The following TNS3 variants were observed in gnomAD, a reference collection of about 807,000 sequenced individuals.
The protein encoded by TNS3 is tensin 3.
In TNS3, 45 loss-of-function variants were observed where a neutral mutation model predicts 140.9. The ratio of observed to expected loss-of-function variants is 0.32; its 90% CI spans 0.25 to 0.41. TNS3 has a LOEUF of 0.41. Among genes scored for constraint, TNS3 ranks in the 10% least tolerant of loss-of-function variants. The pLI, the probability that TNS3 is intolerant of heterozygous loss-of-function variation, is 1.00. For synonymous variants in TNS3, 815 were observed against 788.4 expected, an observed-to-expected ratio of 1.03 and a Z score of -0.56; for missense variants, 1,716 against 1,906.7, an observed-to-expected ratio of 0.90 and a Z score of 1.86.
At chr7:47,348,198 G>C (rs945904950) in intron 17 of TNS3, among the ~76,000 whole-genome samples, 1 of 152,252 alleles carries the variant, frequency 6.6e-6, no homozygotes, top group South Asian at 2.1e-4. Flanking sequence ...CGTGGAGTTT[G>C]TTCCTGAAGC....
chr7:47,491,958 C>A (rs1797830509), intron 3 of TNS3, among the ~76,000 whole-genome samples: 1 of 152,208 alleles, frequency 6.6e-6, no homozygotes, highest in South Asian at 2.1e-4. Context: ...ACACCATGAA[C>A]ATTCTAAAAC....
At chr7:47,286,708 G>C (rs1785438376) in intron 27 of TNS3, among the ~76,000 whole-genome samples, 1 of 152,170 alleles carries the variant, frequency 6.6e-6, no homozygotes, top group Non-Finnish European at 1.5e-5. Flanking sequence ...AAATAATGCA[G>C]AAAGATGGTC....
chr7:47,483,645 G>A (rs1039986204), intron 3 of TNS3, among the ~76,000 whole-genome samples: 1 of 152,188 alleles, frequency 6.6e-6, no homozygotes, highest in Non-Finnish European at 1.5e-5. Flanking sequence ...TGGTCCAGAA[G>A]CCAGGTCTGT....
At chr7:47,567,263 AAT>A (rs1204186592) in intron 1 of TNS3, among the ~76,000 whole-genome samples, 1 of 152,208 alleles carries the variant, frequency 6.6e-6, no homozygotes, top group Admixed American at 6.5e-5. Context: ...AATGCCCAGG[AAT>A]ATACAAAACA....
At chr7:47,408,615 G>T (rs183097110) in intron 13 of TNS3, among the ~76,000 whole-genome samples, 1 of 152,190 alleles carries the variant, frequency 6.6e-6, no homozygotes, top group Non-Finnish European at 1.5e-5. Context: ...TGTCCTGGGA[G>T]ACTTATGTGA....
At chr7:47,571,531 A>C (rs1360889679) in intron 1 of TNS3, among the ~76,000 whole-genome samples, 6 of 152,236 alleles carry the variant, frequency 3.9e-5, no homozygotes, top group Non-Finnish European at 8.8e-5. Context: ...AAGAGGCGAA[A>C]CCGTGCAGAA....
At chr7:47,547,181 G>C (rs1038480089) in intron 1 of TNS3, among the ~76,000 whole-genome samples, 24 of 152,208 alleles carry the variant, frequency 1.6e-4, no homozygotes, top group Admixed American at 3.3e-4. Context: ...AGTGTGTGTC[G>C]GGCTCCAGTG....
At chr7:47,307,491 G>A (rs4720591) in intron 20 of TNS3, among the ~76,000 whole-genome samples, 60,967 of 152,028 alleles carry the variant, frequency 0.4, 12,310 homozygotes, top group South Asian at 0.47. Context: ...AATACCTAGG[G>A]ATGGAATGGC....
intron 1 of TNS3, among the ~76,000 whole-genome samples, chr7:47,563,499 A>C (rs897873238): frequency 1.3e-5 from 2 of 152,118 alleles, no homozygotes; most frequent in Non-Finnish European, 2.9e-5. Flanking sequence ...CCAACCTCTG[A>C]AGCCAGGATG....
In TNS3 at chr7:47,369,131, G is replaced by A. The variant is rs2151149353; in HGVS notation, c.1515C>T (p.Ala505=). The part of the protein sequence containing the change: ...TLSSSEGPQS[A]HLGPFTCHKS... ...TGTGGCAGGTGAAGGGACCCAGGTG[G>A]GCCGACTGAGGCCCTTCCGAGGAGG... Residue 505 remains alanine, a synonymous_variant, in exon 17 of 31, where the codon GCC becomes GCT. Coordinates refer to ENST00000311160, the MANE Select transcript of TNS3 (RefSeq NM_022748.12). 2 of 1,613,902 alleles carry A rather than the reference G, an allele frequency of 1.2e-6. No homozygotes were observed. The highest frequency in any genetic ancestry group is 1.7e-6 in the Non-Finnish European group (2 of 1,180,032).
chr7:47,323,414 T>C, intron 20 of TNS3, among the ~76,000 whole-genome samples: 1 of 152,156 alleles, frequency 6.6e-6, no homozygotes, highest in East Asian at 1.9e-4. Flanking sequence ...AATCCAGAGA[T>C]GAAGGAAAAT....
chr7:47,473,242 T>C (rs1797032759), intron 4 of TNS3, among the ~76,000 whole-genome samples: 2 of 152,218 alleles, frequency 1.3e-5, no homozygotes, highest in Admixed American at 6.5e-5. Context: ...AAGCCACAGA[T>C]GTTGAGTTTG....
At position 47,498,860 on chromosome 7, in the gene TNS3, T is replaced by A. The variant is rs540171175; in HGVS notation, c.-115+8047A>T. 2.0e-5 allele frequency among the ~76,000 whole-genome samples: 3 copies of A among 152,204 alleles called. No homozygotes were observed. In the South Asian group the frequency reaches 6.2e-4, roughly 32 times the overall value. ...CCCAGCCTGTGGAATGCCAGCAGGG[T>A]CACCATAAAGCCCCGCAGATGCCGA... is the stretch of plus-strand genomic sequence containing the variant. On this transcript the variant is annotated intron_variant, in intron 3 of 30. Transcript: ENST00000311160.
intron 8 of TNS3, 53 bp from the exon 9 acceptor site, chr7:47,428,429 G>A: frequency 7.7e-7 from 1 of 1,300,052 alleles, no homozygotes; most frequent in African/African-American, 1.5e-5. Context: ...CAGCAGAGAT[G>A]TAATTAGAAC....
At chr7:47,487,888 T>C (rs1797669965) in intron 3 of TNS3, among the ~76,000 whole-genome samples, 1 of 152,202 alleles carries the variant, frequency 6.6e-6, no homozygotes, top group Admixed American at 6.5e-5. Context: ...GGCAGTACTT[T>C]CTTTCCTAAG....
Position 47,303,416 on chromosome 7 carries a change from G to A in TNS3, c.2991C>T (p.Phe997=), listed in dbSNP as rs768565680. The change falls in exon 22 of 31, where the codon TTC becomes TTT. Residue 997 remains phenylalanine (F), a synonymous_variant. Transcript: ENST00000311160. ...CFPPSELQAP[F]HSHELSLAEP... is the part of the protein sequence containing the mutation. ...CTGCTAGGGACAGCTCATGGCTGTG[G>A]AAAGGAGCCTGGAGCTCTGACGGCG... 2 of 1,613,760 alleles carry A rather than the reference G, an allele frequency of 1.2e-6. No individual in the cohort carries two copies. Among genetic ancestry groups the A allele is most frequent in the South Asian group, 2.2e-5 (2 of 91,080 alleles).
intron 2 of TNS3, among the ~76,000 whole-genome samples, chr7:47,525,542 CTCTGTT>C (rs1370086982): frequency 6.6e-6 from 1 of 152,180 alleles, no homozygotes; most frequent in Non-Finnish European, 1.5e-5. Flanking sequence ...TGCACATTTT[CTCTGTT>C]TCTATCTCCC....
At chr7:47,366,461 G>A (rs146070176) in intron 17 of TNS3, among the ~76,000 whole-genome samples, 345 of 152,298 alleles carry the variant, frequency 2.3e-3, no homozygotes, top group Middle Eastern at 0.014. Context: ...CCCCGGGCCA[G>A]GCACTGGGAT....
At chr7:47,518,318 C>T (rs940827290) in intron 2 of TNS3, among the ~76,000 whole-genome samples, 1 of 152,136 alleles carries the variant, frequency 6.6e-6, no homozygotes, top group African/African-American at 2.4e-5. Flanking sequence ...CGCAAGGTCC[C>T]TCCGCCGATG....
Sources: allele counts gnomAD v4.1 joint callset (sites outside exome capture counted in the v4.1 genomes callset), GRCh38; gene constraint gnomAD v4.1.1; transcripts MANE v1.5; gene names NCBI Gene and HGNC (gene_info 2026-07-23, HGNC 2026-07-21).